EPHA6: variants seen among roughly 807,000 people sequenced by gnomAD.
The protein encoded by EPHA6 is EPH receptor A6.
Under a neutral mutation model 112.0 loss-of-function variants are expected in EPHA6, and 50 were observed. The ratio of observed to expected loss-of-function variants is 0.45; its 90% confidence interval spans 0.36 to 0.56. The LOEUF (loss-of-function observed/expected upper bound fraction) is 0.56. Among genes scored for constraint, EPHA6 ranks in the 20% least tolerant of loss-of-function variants. The pLI, the probability that EPHA6 is intolerant of heterozygous loss-of-function variation, is 0.00. For missense variants in EPHA6, 1,280 were observed against 1,417.4 expected, an observed-to-expected ratio of 0.90 and a Z score of 1.56; for synonymous variants, 529 against 490.7, an observed-to-expected ratio of 1.08 and a Z score of -1.03.
At chr3:97,742,767 C>A (rs2035562923) in intron 16 of EPHA6, among the ~76,000 whole-genome samples, 1 of 152,046 alleles carries the variant, frequency 6.6e-6, no homozygotes, top group Non-Finnish European at 1.5e-5. Context: ...AAAATTATTT[C>A]ATTAATTTAA....
At chr3:97,708,411 T>A (rs1467163977) in intron 14 of EPHA6, among the ~76,000 whole-genome samples, 4 of 152,224 alleles carry the variant, frequency 2.6e-5, no homozygotes, top group African/African-American at 9.6e-5. Context: ...AGATGTGACC[T>A]GGCTTTTTCT....
rs571167539 is a variant in EPHA6, at chr3:97,299,936, C to T, written c.1606+55649C>T. 4.6e-5 allele frequency among the ~76,000 whole-genome samples: 7 copies of T among 152,164 alleles called. No homozygotes were observed. The South Asian group carries it at 6.2e-4, about 14-fold the overall frequency. On this transcript the variant is annotated intron_variant, in intron 5 of 17. Transcript: ENST00000389672. ...AACCTACTGAATAATAGATTGCATA[C>T]CGTTGTTTAATTTATTTGCCACCTG...
rs376116126 is a variant in EPHA6 at position 97,713,226 on chromosome 3, G to T, written c.2785-7035G>T. ...CCCTGTCTAAAGACATTTAGTTTCA[G>T]TTTAAGGAAACAAAATAAAAATAAC... On this transcript the variant is annotated intron_variant, in intron 14 of 17. Transcript: ENST00000389672. Among the ~76,000 whole-genome samples the T allele has an allele frequency of 9.2e-5, 14 of 152,170 alleles. No homozygotes were observed. The South Asian group carries it at 2.7e-3, about 29-fold the overall frequency.
At chr3:96,846,032 T>C (rs913261709) in intron 1 of EPHA6, among the ~76,000 whole-genome samples, 1 of 152,058 alleles carries the variant, frequency 6.6e-6, no homozygotes, top group East Asian at 1.9e-4. Flanking sequence ...TTACATCTGT[T>C]AAACAGTGTT....
chr3:97,097,819 G>A (rs904827457), intron 3 of EPHA6, among the ~76,000 whole-genome samples: 7 of 151,862 alleles, frequency 4.6e-5, no homozygotes, highest in African/African-American at 1.7e-4. Flanking sequence ...TCAGAAGAAT[G>A]TATGCAGCTA....
At chr3:96,823,676 CT>C (rs1273864376) in intron 1 of EPHA6, among the ~76,000 whole-genome samples, 16 of 151,680 alleles carry the variant, frequency 1.1e-4, no homozygotes, top group Admixed American at 9.2e-4. Flanking sequence ...AAAATGAAAT[CT>C]ATGTATTGGT....
intron 3 of EPHA6, among the ~76,000 whole-genome samples, chr3:97,018,573 G>A (rs1213959684): frequency 1.3e-5 from 2 of 152,200 alleles, no homozygotes; most frequent in Non-Finnish European, 2.9e-5. Flanking sequence ...GACAAAGAGA[G>A]AAACAACTTA....
rs186561361 is a variant in EPHA6, at chr3:97,268,086, G to A, written c.1606+23799G>A. Among the ~76,000 whole-genome samples, 71 of 152,254 alleles carry A rather than the reference G, an allele frequency of 4.7e-4. 1 individual carries two copies. In the East Asian group the frequency reaches 0.013, roughly 28 times the overall value. On this transcript the variant is annotated intron_variant, in intron 5 of 17. Coordinates refer to ENST00000389672, the MANE Select transcript of EPHA6 (RefSeq NM_001080448.3). ...TCTGATTCATCATACAAAGAGTGTT[G>A]GATTCCTTTTTCCTGATTGCAAAGA...
intron 2 of EPHA6, among the ~76,000 whole-genome samples, chr3:96,873,902 G>T (rs141534033): frequency 6.6e-6 from 1 of 152,138 alleles, no homozygotes; most frequent in South Asian, 2.1e-4. Flanking sequence ...CATACTTTTC[G>T]TGATCTCAAT....
At chr3:97,720,166 T>C in intron 14 of EPHA6, 95 bp from the exon 15 acceptor site, 1 of 1,128,026 alleles carries the variant, frequency 8.9e-7, no homozygotes, top group Non-Finnish European at 1.2e-6. Flanking sequence ...TTATGAAGTA[T>C]TTAGATCTTT....
intron 14 of EPHA6, among the ~76,000 whole-genome samples, chr3:97,695,074 A>G (rs2032943781): frequency 6.6e-6 from 1 of 152,206 alleles, no homozygotes; most frequent in Admixed American, 6.5e-5. Flanking sequence ...CCCAGAGCAA[A>G]GGTACATGTG....
In EPHA6 at chr3:96,830,886, T is replaced by C. The variant is rs538541395; in HGVS notation, c.385+15878T>C. ...GTGAGCATAGTTAATGATAATAAAG[T>C]AGATGTTAAGTGTTCTCACTGCACA... On this transcript the variant is annotated intron_variant, in intron 1 of 17. Transcript: ENST00000389672. 3.3e-5 allele frequency among the ~76,000 whole-genome samples: 5 copies of C among 152,024 alleles called. No individual in the cohort carries two copies. The South Asian group carries it at 1.0e-3, about 32-fold the overall frequency.
intron 3 of EPHA6, among the ~76,000 whole-genome samples, chr3:97,129,456 C>A (rs141550228): frequency 0.013 from 2,026 of 151,422 alleles, 40 homozygotes; most frequent in African/African-American, 0.044. Flanking sequence ...GAGCCGAGAT[C>A]GTGCCACTGC....
At chr3:97,074,094 A>G (rs1312952927) in intron 3 of EPHA6, among the ~76,000 whole-genome samples, 3 of 151,884 alleles carry the variant, frequency 2.0e-5, no homozygotes, top group Admixed American at 2.0e-4. Flanking sequence ...ATCCCCTTTC[A>G]TATAGTTACA....
rs35992095 is a variant in EPHA6 at position 97,634,939 on chromosome 3, CT to C, written c.2575-2921del. ...CAAGGACATTCTTAAGAAAACCTAGCTTTTTTTTTTTTTAATCTTTCTGTGA... is the reference window on the plus strand; with the variant it reads ...CAAGGACATTCTTAAGAAAACCTAGCTTTTTTTTTTTTAATCTTTCTGTGA... On this transcript the variant is annotated intron_variant, in intron 13 of 17. Transcript: ENST00000389672. 8.8e-3 allele frequency among the ~76,000 whole-genome samples: 1,262 copies of C among 143,328 alleles called. 10 individuals carry two copies. The highest frequency in any genetic ancestry group is 0.019 in the African/African-American group (755 of 39,054). The allele number at this position is 143,328 out of a possible 152,430, so 94.0% of individuals were successfully genotyped here.
intron 10 of EPHA6, among the ~76,000 whole-genome samples, chr3:97,489,850 T>C (rs1261620337): frequency 2.0e-5 from 3 of 152,128 alleles, no homozygotes; most frequent in Non-Finnish European, 4.4e-5. Flanking sequence ...AGTCTATCAA[T>C]TTATTCTTGG....
intron 11 of EPHA6, among the ~76,000 whole-genome samples, chr3:97,575,263 T>C (rs1481049719): frequency 1.3e-5 from 2 of 152,164 alleles, no homozygotes; most frequent in Non-Finnish European, 2.9e-5. Context: ...TCTAGATATA[T>C]ATGCAATAAC....
rs532986563 is a variant in EPHA6, at chr3:97,756,311, G to A, written c.*7610G>A. Reference sequence around the variant, plus strand: ...ATAACTTGCTAACAAACTTGTAACTGAACAAGCTATTTTTTTCTGTCAATG... The same window carrying A: ...ATAACTTGCTAACAAACTTGTAACTAAACAAGCTATTTTTTTCTGTCAATG... On this transcript the variant is annotated 3_prime_UTR_variant, in exon 18 of 18. Transcript: ENST00000389672. 2.6e-5 allele frequency among the ~76,000 whole-genome samples: 4 copies of A among 151,994 alleles called. No homozygotes were observed. In the South Asian group the frequency reaches 8.3e-4, roughly 32 times the overall value.
chr3:97,591,926 C>T (rs553126967), intron 11 of EPHA6, among the ~76,000 whole-genome samples: 5 of 152,204 alleles, frequency 3.3e-5, no homozygotes, highest in South Asian at 2.1e-4. Flanking sequence ...ACTGTTATTT[C>T]GTTCTGACAC....
Sources: gnomAD v4.1 joint callset for allele counts (sites outside exome capture counted in the v4.1 genomes callset) on GRCh38, gnomAD v4.1.1 for gene constraint, MANE v1.5 for transcripts, NCBI Gene and HGNC (gene_info 2026-07-23, HGNC 2026-07-21) for gene names.